C14orf39: variants seen among roughly 807,000 people sequenced by gnomAD.
C14orf39 encodes chromosome 14 open reading frame 39.
In C14orf39, 66 loss-of-function variants were observed where a neutral mutation model predicts 85.6. The ratio of observed to expected loss-of-function variants is 0.77; its 90% CI spans 0.63 to 0.95. The LOEUF (loss-of-function observed/expected upper bound fraction) is 0.95, where lower values mean the gene tolerates loss of function less well. C14orf39 is among the 40% of genes least tolerant of loss of function. The pLI is 0.00. For synonymous variants in C14orf39, 242 were observed against 214.0 expected, an observed-to-expected ratio of 1.13 and a Z score of -1.14; for missense variants, 735 against 663.9, an observed-to-expected ratio of 1.11 and a Z score of -1.18.
chr14:60,472,008 G>T (rs1432332060), intron 5 of C14orf39, among the ~76,000 whole-genome samples: 3 of 151,762 alleles, frequency 2.0e-5, no homozygotes, highest in Non-Finnish European at 4.4e-5. Flanking sequence ...TTCTTCCCAA[G>T]GTCACCAATG....
rs775501287 is a variant in C14orf39 at position 60,485,067 on chromosome 14, G to T, written c.12C>A (p.Ser4Arg). The T allele has an allele frequency of 1.2e-6, 2 of 1,608,286 alleles. No homozygotes were observed. Among genetic ancestry groups the T allele is most frequent in the Admixed American group, 1.7e-5 (1 of 58,510 alleles). Reference protein sequence around the residue: MNDSLFVSLDRLLL... With the variant: MNDRLFVSLDRLLL... ...AAAGTCTGTCCAAACTGACAAACAG[G>T]CTGTCATTCATCTTGGATACTATGT... The change falls in exon 2 of 18, where the codon AGC becomes AGA. Residue 4 changes from serine (S) to arginine (R), a missense_variant. Ser to Arg is a moderately radical substitution (Grantham distance 110). Coordinates refer to ENST00000321731, the MANE Select transcript of C14orf39 (RefSeq NM_174978.3).
intron 10 of C14orf39, among the ~76,000 whole-genome samples, chr14:60,466,561 T>C (rs74332300): frequency 2.3e-3 from 345 of 152,042 alleles, no homozygotes; most frequent in African/African-American, 7.9e-3. Context: ...AGTGACTAAG[T>C]TATAGATACT....
Position 60,511,376 on chromosome 14 carries a change from C to A in C14orf39, c.-144+4019G>T, listed in dbSNP as rs918559299. 1.1e-4 allele frequency: 141 copies of A among 1,228,618 alleles called. No homozygotes were observed. In the African/African-American group the frequency reaches 1.8e-3, roughly 15 times the overall value. 76.1% of individuals were successfully genotyped at this position (1,228,618 alleles called of 1,614,324 possible). Reference sequence around the variant, plus strand: ...CACAGAAGCCAGGTGACCAGGGACCCGCGGGCTCGGGTTGCCGTTTCCCGC... The same window carrying A: ...CACAGAAGCCAGGTGACCAGGGACCAGCGGGCTCGGGTTGCCGTTTCCCGC... On this transcript the variant is annotated intron_variant, in intron 1 of 5. Transcript: ENST00000556799.
intron 4 of C14orf39, among the ~76,000 whole-genome samples, chr14:60,479,144 G>C (rs1183644200): frequency 6.6e-6 from 1 of 151,844 alleles, no homozygotes; most frequent in African/African-American, 2.4e-5. Flanking sequence ...ATTGAATAAT[G>C]ACTATTATTG....
intron 4 of C14orf39, among the ~76,000 whole-genome samples, chr14:60,481,943 T>C (rs996550062): frequency 1.3e-5 from 2 of 152,218 alleles, no homozygotes; most frequent in Non-Finnish European, 2.9e-5. Context: ...CAGTCATATT[T>C]ATCCATCATT....
At chr14:60,466,364 T>C (rs188617271) in intron 10 of C14orf39, among the ~76,000 whole-genome samples, 8 of 152,072 alleles carry the variant, frequency 5.3e-5, no homozygotes, top group African/African-American at 1.9e-4. Flanking sequence ...TCTAATATAA[T>C]GTATTAGGTT....
chr14:60,477,328 T>C (rs1196262278), intron 5 of C14orf39, among the ~76,000 whole-genome samples: 1 of 152,216 alleles, frequency 6.6e-6, no homozygotes, highest in Non-Finnish European at 1.5e-5. Context: ...TGTCTTTGAA[T>C]ATATAGAGTA....
At chr14:60,449,391 C>T (rs767424886) in intron 16 of C14orf39, among the ~76,000 whole-genome samples, 5 of 152,004 alleles carry the variant, frequency 3.3e-5, no homozygotes, top group African/African-American at 1.2e-4. Context: ...AAGATGAATG[C>T]GTAATTTACT....
At chr14:60,509,765 C>T in intron 1 of C14orf39, 1 of 1,613,216 alleles carries the variant, frequency 6.2e-7, no homozygotes, top group Non-Finnish European at 8.5e-7. Flanking sequence ...CCCGCTGCCG[C>T]GCACCATTTG....
In C14orf39 at chr14:60,436,794, T is replaced by A. The variant is rs752472727; in HGVS notation, c.*51A>T. The A allele has an allele frequency of 8.2e-7, 1 of 1,216,258 alleles. No individual in the cohort carries two copies. Among genetic ancestry groups the A allele is most frequent in the Non-Finnish European group, 1.2e-6 (1 of 847,600 alleles). The allele number at this position is 1,216,258 out of a possible 1,614,324, so 75.3% of individuals were successfully genotyped here. On this transcript the variant is annotated 3_prime_UTR_variant, in exon 18 of 18. Coordinates refer to ENST00000321731, the MANE Select transcript of C14orf39 (RefSeq NM_174978.3). ...TGTTTTAAGCAATAATGTAAATTTA[T>A]GCCCTCATGAACACAGAACAGTAAA...
chr14:60,461,694 T>A (rs1159764207), intron 11 of C14orf39, 101 bp from the exon 12 acceptor site: 1 of 592,836 alleles, frequency 1.7e-6, no homozygotes, highest in Non-Finnish European at 2.9e-6. Flanking sequence ...TAGTATTTCA[T>A]CCTTTCCATC....
intron 1 of C14orf39, among the ~76,000 whole-genome samples, chr14:60,504,041 C>G (rs1438348473): frequency 6.6e-6 from 1 of 152,180 alleles, no homozygotes; most frequent in African/African-American, 2.4e-5. Context: ...AGCAGCATCT[C>G]TGGCCTGCAC....
Position 60,478,383 on chromosome 14 carries a change from C to G in C14orf39, c.240G>C (p.Lys80Asn). 1 of 1,558,278 alleles carries G rather than the reference C, an allele frequency of 6.4e-7. No individual in the cohort carries two copies. The highest frequency in any genetic ancestry group is 8.7e-7 in the Non-Finnish European group (1 of 1,153,654). The change falls in exon 5 of 18, where the codon AAG (lysine) becomes AAC (asparagine). Residue 80 changes from lysine (K) to asparagine (N), a missense_variant. Coordinates refer to ENST00000321731, the MANE Select transcript of C14orf39 (RefSeq NM_174978.3). The part of the protein sequence containing the change: ...EEIKDNCRNW[K>N]PTCDVFRKHE... Reference sequence around the variant, plus strand: ...GTTTACGAAAAACATCACATGTTGGCTTCCAGCTATAGAAAAAAATATATT... The same window carrying G: ...GTTTACGAAAAACATCACATGTTGGGTTCCAGCTATAGAAAAAAATATATT...
rs530836096 is a variant in C14orf39 at position 60,480,029 on chromosome 14, A to G, written c.234-1640T>C. Among the ~76,000 whole-genome samples the G allele has an allele frequency of 2.0e-5, 3 of 152,340 alleles. No individual in the cohort carries two copies. The South Asian group carries it at 6.2e-4, about 32-fold the overall frequency. Reference sequence around the variant, plus strand: ...AAGAAGAGATACAAATGGCCAACAGATATATGAAAAAATGCTCAATGCCTC... The same window carrying G: ...AAGAAGAGATACAAATGGCCAACAGGTATATGAAAAAATGCTCAATGCCTC... On this transcript the variant is annotated intron_variant, in intron 4 of 17. Transcript: ENST00000321731.
intron 5 of C14orf39, among the ~76,000 whole-genome samples, chr14:60,474,838 T>C (rs181265067): frequency 2.0e-5 from 3 of 152,282 alleles, no homozygotes; most frequent in Non-Finnish European, 2.9e-5. Flanking sequence ...GGGATGTTCA[T>C]CAGGGATTTT....
chr14:60,481,454 C>T (rs1255780506), intron 4 of C14orf39, among the ~76,000 whole-genome samples: 3 of 151,990 alleles, frequency 2.0e-5, no homozygotes, highest in Admixed American at 2.0e-4. Flanking sequence ...TCCAGGAGTT[C>T]GAGACCAGCC....
chr14:60,506,124 C>G (rs1474777117), intron 1 of C14orf39, among the ~76,000 whole-genome samples: 2 of 152,078 alleles, frequency 1.3e-5, no homozygotes, highest in Admixed American at 1.3e-4. Flanking sequence ...CTATGGATTC[C>G]CGGCAAGACC....
rs745805352 is a variant in C14orf39 at position 60,467,046 on chromosome 14, T to C, written c.768-2A>G. The C allele has an allele frequency of 7.6e-7, 1 of 1,314,716 alleles. No homozygotes were observed. The highest frequency in any genetic ancestry group is 2.0e-5 in the South Asian group (1 of 51,170). 81.4% of individuals were successfully genotyped at this position (1,314,716 alleles called of 1,614,324 possible). A position where few individuals can be genotyped will look rare whatever the true frequency, so the allele number is the denominator to read the frequency against. ...ACATGCTCATCTTTTCCAAAAATTCTAAAGAGAAAGGTGAATTACATTAAA... is the reference window on the plus strand; with the variant it reads ...ACATGCTCATCTTTTCCAAAAATTCCAAAGAGAAAGGTGAATTACATTAAA... On this transcript the variant is annotated splice_acceptor_variant, in intron 9 of 17. Coordinates refer to ENST00000321731, the MANE Select transcript of C14orf39 (RefSeq NM_174978.3). LOFTEE classifies it high-confidence loss of function.
chr14:60,501,537 A>C (rs1371831591), intron 1 of C14orf39, among the ~76,000 whole-genome samples: 1 of 152,184 alleles, frequency 6.6e-6, no homozygotes, highest in African/African-American at 2.4e-5. Flanking sequence ...CAACACCTCG[A>C]TTCAAACTTG....
Sources: allele counts gnomAD v4.1 joint callset (sites outside exome capture counted in the v4.1 genomes callset), GRCh38; gene constraint gnomAD v4.1.1; transcripts MANE v1.5; gene names NCBI Gene and HGNC (gene_info 2026-07-23, HGNC 2026-07-21).